RBFOX1: variants seen among roughly 807,000 people sequenced by gnomAD.
The protein encoded by RBFOX1 is RNA binding fox-1 homolog 1.
RBFOX1 carries 8 observed loss-of-function variants against 57.7 expected under a neutral mutation model. The ratio of observed to expected loss-of-function variants is 0.14; its 90% CI spans 0.08 to 0.25. RBFOX1 has a LOEUF of 0.25. Among genes scored for constraint, RBFOX1 ranks in the 10% least tolerant of loss-of-function variants. The pLI is 1.00. For missense variants in RBFOX1, 611 were observed against 548.5 expected, an observed-to-expected ratio of 1.11 and a Z score of -1.14; for synonymous variants, 326 against 222.4, an observed-to-expected ratio of 1.47 and a Z score of -4.15.
intron 1 of RBFOX1, among the ~76,000 whole-genome samples, chr16:6,272,583 A>T (rs2075324789): frequency 6.6e-6 from 1 of 152,186 alleles, no homozygotes. Flanking sequence ...TAGAGACAAC[A>T]CTATTCTAAA....
chr16:7,138,001 G>C (rs1243575531), intron 4 of RBFOX1, among the ~76,000 whole-genome samples: 1 of 152,134 alleles, frequency 6.6e-6, no homozygotes, highest in Non-Finnish European at 1.5e-5. Flanking sequence ...GTAGAGAGAG[G>C]TTAGGTAACT....
In RBFOX1 at chr16:5,754,201, C is replaced by T. The variant is rs923755775; in HGVS notation, c.319-113102C>T. 2.0e-5 allele frequency among the ~76,000 whole-genome samples: 3 copies of T among 152,180 alleles called. No individual in the cohort carries two copies. In the South Asian group the frequency reaches 6.2e-4, roughly 32 times the overall value. On this transcript the variant is annotated intron_variant, in intron 3 of 19. Transcript: ENST00000641259. ...TTTTGAATCCCACCTCTGCCACATG[C>T]AAGCTACTTAACTTCTCTATGCCTC... is the stretch of plus-strand genomic sequence containing the variant.
intron 2 of RBFOX1, among the ~76,000 whole-genome samples, chr16:6,476,278 C>T (rs992298719): frequency 9.2e-5 from 14 of 151,970 alleles, no homozygotes; most frequent in African/African-American, 2.4e-4. Context: ...TACAAATATC[C>T]GTAGAGACAT....
intron 2 of RBFOX1, among the ~76,000 whole-genome samples, chr16:5,499,585 T>G (rs554883098): frequency 3.3e-5 from 5 of 152,296 alleles, no homozygotes; most frequent in East Asian, 1.9e-4. Flanking sequence ...TTAAATTTTT[T>G]TTTTTGAGGC....
chr16:6,439,034 T>A (rs763656080), intron 2 of RBFOX1, among the ~76,000 whole-genome samples: 71 of 152,286 alleles, frequency 4.7e-4, no homozygotes, highest in Non-Finnish European at 8.8e-4. Flanking sequence ...GTGAGAGATG[T>A]CCTGGAAACT....
intron 3 of RBFOX1, among the ~76,000 whole-genome samples, chr16:6,921,083 C>T (rs1277824811): frequency 1.3e-5 from 2 of 152,166 alleles, no homozygotes; most frequent in Non-Finnish European, 2.9e-5. Context: ...TGAGCTCCTG[C>T]ACCATTCGTT....
intron 4 of RBFOX1, among the ~76,000 whole-genome samples, chr16:7,394,232 C>T (rs78619178): frequency 0.16 from 9,249 of 58,422 alleles, 391 homozygotes; most frequent in East Asian, 0.28. Context: ...CAAGACTCCG[C>T]ATCAAAAAAA....
chr16:7,710,112 G>A (rs766043363), intron 15 of RBFOX1: 35 of 1,004,646 alleles, frequency 3.5e-5, no homozygotes, highest in Non-Finnish European at 4.1e-5. Context: ...ATTACATCAA[G>A]CAATTCATCT....
In RBFOX1 at chr16:7,440,978, G is replaced by A. The variant is rs560408712; in HGVS notation, c.28-77169G>A. On this transcript the variant is annotated intron_variant, in intron 4 of 15. Coordinates refer to ENST00000550418, the MANE Select transcript of RBFOX1 (RefSeq NM_018723.4). ...CAGTTAAGCCCGCCCAGAGTTTGACGTTGCGCTGAGCTAGGATCATGCCAC... is the reference window on the plus strand; with the variant it reads ...CAGTTAAGCCCGCCCAGAGTTTGACATTGCGCTGAGCTAGGATCATGCCAC... Among the ~76,000 whole-genome samples the A allele has an allele frequency of 1.4e-4, 22 of 152,126 alleles. No homozygotes were observed. The South Asian group carries it at 2.5e-3, about 17-fold the overall frequency.
At chr16:7,102,087 C>T (rs909850413) in intron 4 of RBFOX1, among the ~76,000 whole-genome samples, 1 of 152,142 alleles carries the variant, frequency 6.6e-6, no homozygotes, top group Non-Finnish European at 1.5e-5. Context: ...TTTTCTAACT[C>T]ACAACCAAAC....
intron 1 of RBFOX1, among the ~76,000 whole-genome samples, chr16:5,428,635 G>C (rs565502888): frequency 3.0e-4 from 46 of 152,260 alleles, no homozygotes; most frequent in South Asian, 1.9e-3. Flanking sequence ...AGGCTTCTTG[G>C]AGGAGGTGAT....
intron 4 of RBFOX1, among the ~76,000 whole-genome samples, chr16:7,237,466 C>G (rs997332643): frequency 6.6e-6 from 1 of 152,190 alleles, no homozygotes; most frequent in Admixed American, 6.5e-5. Context: ...GATTGTAACT[C>G]ATTTACATAT....
chr16:7,454,354 C>T (rs1042094220), intron 4 of RBFOX1, among the ~76,000 whole-genome samples: 1 of 152,180 alleles, frequency 6.6e-6, no homozygotes, highest in African/African-American at 2.4e-5. Flanking sequence ...GCCCTCTTGA[C>T]CAGTGTCTTG....
chr16:6,681,691 T>C (rs1445074024), intron 3 of RBFOX1, among the ~76,000 whole-genome samples: 2 of 151,904 alleles, frequency 1.3e-5, no homozygotes, highest in Non-Finnish European at 2.9e-5. Flanking sequence ...AAAAAAATCT[T>C]TCTCCAATGA....
intron 3 of RBFOX1, among the ~76,000 whole-genome samples, chr16:7,045,777 T>G (rs2047713949): frequency 6.6e-6 from 1 of 152,106 alleles, no homozygotes; most frequent in Admixed American, 6.6e-5. Context: ...TGCCTCAGCC[T>G]CCTGAGTAGC....
At chr16:5,784,678 C>T (rs79455690) in intron 3 of RBFOX1, among the ~76,000 whole-genome samples, 1,907 of 152,260 alleles carry the variant, frequency 0.013, 37 homozygotes, top group African/African-American at 0.043. Flanking sequence ...CGACACAGAT[C>T]GAAATCATGT....
intron 1 of RBFOX1, among the ~76,000 whole-genome samples, chr16:6,263,037 C>G (rs949100644): frequency 3.3e-5 from 5 of 152,078 alleles, no homozygotes; most frequent in Non-Finnish European, 5.9e-5. Context: ...GTCACCCACT[C>G]AAAGAACCAG....
chr16:6,469,839 C>G lies in RBFOX1; in HGVS notation c.-64+152782C>G, dbSNP rs535558451. On this transcript the variant is annotated intron_variant, in intron 2 of 15. Transcript: ENST00000550418. ...GCTCACTAAGTGGGAGTTAGGAATC[C>G]TACAGTTCCCTTCAAGACCTATAGG... 5.7e-4 allele frequency among the ~76,000 whole-genome samples: 87 copies of G among 152,282 alleles called. 2 individuals carry two copies. The highest frequency in any genetic ancestry group is 4.4e-3 in the South Asian group (21 of 4,826).
At chr16:7,644,011 G>A (rs1277632552) in intron 11 of RBFOX1, among the ~76,000 whole-genome samples, 1 of 152,140 alleles carries the variant, frequency 6.6e-6, no homozygotes, top group Non-Finnish European at 1.5e-5. Context: ...ATGGATATAG[G>A]GAGATGATGT....
Sources: allele counts gnomAD v4.1 joint callset (sites outside exome capture counted in the v4.1 genomes callset), GRCh38; gene constraint gnomAD v4.1.1; transcripts MANE v1.5; gene names NCBI Gene and HGNC (gene_info 2026-07-23, HGNC 2026-07-21).